Variants in EXOC2 observed in about 807,000 individuals in gnomAD.
The protein encoded by EXOC2 is exocyst complex component 2.
In EXOC2, 70 loss-of-function variants were observed where a neutral mutation model predicts 131.8. The observed-to-expected ratio is 0.53, with a 90% CI of 0.44 to 0.65. The LOEUF is 0.65. Among genes scored for constraint, EXOC2 ranks in the 30% least tolerant of loss-of-function variants. EXOC2 has a pLI of 0.00. For synonymous variants in EXOC2, 411 were observed against 398.4 expected (o/e 1.03, Z -0.38); for missense variants, 923 against 1,108.6 (o/e 0.83, Z 2.38).
intron 22 of EXOC2, among the ~76,000 whole-genome samples, chr6:538,890 G>A (rs1766627138): frequency 6.6e-6 from 1 of 152,044 alleles, no homozygotes; most frequent in African/African-American, 2.4e-5. Context: ...TGGCCAAGAT[G>A]GTGAAACCCT....
intron 13 of EXOC2, 88 bp downstream of exon 13, chr6:572,432 A>G (rs2127595126): frequency 1.3e-6 from 2 of 1,493,538 alleles, no homozygotes; most frequent in South Asian, 1.4e-5. Flanking sequence ...GGGCCTCTAC[A>G]TTTTAAAAAA....
intron 7 of EXOC2, among the ~76,000 whole-genome samples, chr6:607,529 C>A (rs1416312752): frequency 6.6e-6 from 1 of 152,238 alleles, no homozygotes; most frequent in African/African-American, 2.4e-5. Context: ...CATGTCTACA[C>A]CTGCACTGTC....
chr6:582,326 G>C (rs1187214389), intron 11 of EXOC2, among the ~76,000 whole-genome samples: 1 of 152,106 alleles, frequency 6.6e-6, no homozygotes, highest in Admixed American at 6.6e-5. Context: ...AGCCAGGTGA[G>C]TAAGGTTACT....
At chr6:681,082 T>C (rs1426302651) in intron 1 of EXOC2, among the ~76,000 whole-genome samples, 1 of 152,256 alleles carries the variant, frequency 6.6e-6, no homozygotes, top group African/African-American at 2.4e-5. Flanking sequence ...TCCTTGATTC[T>C]GTACTGTGTG....
chr6:611,940 C>T (rs952219129), intron 6 of EXOC2, among the ~76,000 whole-genome samples: 3 of 152,146 alleles, frequency 2.0e-5, no homozygotes, highest in Non-Finnish European at 4.4e-5. Flanking sequence ...CATTTTAACA[C>T]TCAAATAAAA....
intron 6 of EXOC2, among the ~76,000 whole-genome samples, chr6:617,483 C>T (rs992357382): frequency 1.4e-4 from 22 of 152,206 alleles, no homozygotes; most frequent in African/African-American, 5.3e-4. Context: ...AAAGTAGTCT[C>T]CCATTTCACA....
intron 1 of EXOC2, among the ~76,000 whole-genome samples, chr6:640,413 C>T (rs143908832): frequency 6.6e-6 from 1 of 152,078 alleles, no homozygotes; most frequent in Non-Finnish European, 1.5e-5. Flanking sequence ...GGAAGAAAGA[C>T]AAACAAGAAA....
chr6:508,234 G>C (rs4406278), intron 23 of EXOC2, among the ~76,000 whole-genome samples: 18 of 151,918 alleles, frequency 1.2e-4, no homozygotes, highest in African/African-American at 4.4e-4. Context: ...ACACACGGCC[G>C]CCCCAACTGT....
intron 1 of EXOC2, among the ~76,000 whole-genome samples, chr6:680,511 A>C (rs1197273518): frequency 6.6e-6 from 1 of 152,200 alleles, no homozygotes; most frequent in Non-Finnish European, 1.5e-5. Flanking sequence ...TCCCTGTGGC[A>C]ATAAGCATGT....
chr6:653,998 C>A (rs144496748), intron 1 of EXOC2, among the ~76,000 whole-genome samples: 1 of 152,218 alleles, frequency 6.6e-6, no homozygotes, highest in Non-Finnish European at 1.5e-5. Flanking sequence ...ACAGAGCCTA[C>A]ATGACAGCAC....
intron 17 of EXOC2, among the ~76,000 whole-genome samples, chr6:559,382 AT>A (rs140504505): frequency 1.3e-3 from 205 of 152,310 alleles, no homozygotes; most frequent in African/African-American, 4.7e-3. Context: ...TTTTCTAAAC[AT>A]TGATTCACGT....
intron 22 of EXOC2, among the ~76,000 whole-genome samples, chr6:545,184 A>G (rs1379418988): frequency 2.0e-5 from 3 of 150,780 alleles, no homozygotes; most frequent in Non-Finnish European, 4.4e-5. Context: ...AAAAACTTCA[A>G]TTAAAAATTT....
chr6:486,872 G>C (rs1435626071), intron 27 of EXOC2, 108 bp from the exon 28 acceptor site: 6 of 746,128 alleles, frequency 8.0e-6, no homozygotes, highest in Middle Eastern at 3.7e-4. Context: ...TTGCTGTGTG[G>C]AGAAGGCAGC....
chr6:509,682 T>C (rs1764741596), intron 23 of EXOC2, among the ~76,000 whole-genome samples: 1 of 152,342 alleles, frequency 6.6e-6, no homozygotes, highest in African/African-American at 2.4e-5. Flanking sequence ...GTAATTACAA[T>C]AAACAACTGC....
intron 22 of EXOC2, 22 bp from the exon 23 acceptor site, chr6:532,632 T>A: frequency 4.1e-6 from 6 of 1,464,926 alleles, no homozygotes; most frequent in Non-Finnish European, 5.4e-6. Context: ...TAATGAAGAG[T>A]ATGAGTTGCC....
chr6:634,520 G>A (rs1007597922), intron 2 of EXOC2, among the ~76,000 whole-genome samples: 1 of 152,060 alleles, frequency 6.6e-6, no homozygotes, highest in Admixed American at 6.6e-5. Flanking sequence ...ACTTTAAAAT[G>A]GAGGCACAAA....
At chr6:675,282 G>T (rs1348496144) in intron 1 of EXOC2, among the ~76,000 whole-genome samples, 1 of 152,212 alleles carries the variant, frequency 6.6e-6, no homozygotes, top group Non-Finnish European at 1.5e-5. Context: ...TCTCAGGCTG[G>T]GGGTGGAGGA....
intron 22 of EXOC2, among the ~76,000 whole-genome samples, chr6:548,474 A>G (rs1756975547): frequency 6.6e-6 from 1 of 152,250 alleles, no homozygotes; most frequent in African/African-American, 2.4e-5. Context: ...TAACAAGGTT[A>G]CTTCATTTTT....
Position 486,143 on chromosome 6 carries a change from T to C in EXOC2, c.*528A>G, listed in dbSNP as rs1318327807. 6.6e-6 allele frequency: 1 copy of C among 152,242 alleles called. No individual in the cohort carries two copies. Among genetic ancestry groups the C allele is most frequent in the Non-Finnish European group, 1.5e-5 (1 of 68,074 alleles). The allele number at this position is 152,242 out of a possible 1,614,324, so 9.4% of individuals were successfully genotyped here. A position where few individuals can be genotyped will look rare whatever the true frequency, so the allele number is the denominator to read the frequency against. On this transcript the variant is annotated 3_prime_UTR_variant, in exon 28 of 28. Coordinates refer to ENST00000230449, the MANE Select transcript of EXOC2 (RefSeq NM_018303.6). ...TGTATTTTAATGGAGACCATAAATT[T>C]TTCCAAAAACCCGCTTGAATTAGAA...
Sources: gnomAD v4.1 joint callset for allele counts (sites outside exome capture counted in the v4.1 genomes callset) on GRCh38, gnomAD v4.1.1 for gene constraint, MANE v1.5 for transcripts, NCBI Gene and HGNC (gene_info 2026-07-23, HGNC 2026-07-21) for gene names.